Variants in PLEKHG4B observed in about 807,000 individuals in gnomAD.
The protein encoded by PLEKHG4B is pleckstrin homology domain-containing family G member 4B.
In PLEKHG4B, 111 loss-of-function variants were observed where a neutral mutation model predicts 121.3. The observed-to-expected ratio is 0.92, with a 90% confidence interval of 0.78 to 1.07. The LOEUF is 1.07. Ranked by LOEUF, PLEKHG4B falls within the 50% of genes least tolerant of loss-of-function variation. The pLI, the probability that PLEKHG4B is intolerant of heterozygous loss-of-function variation, is 0.00. For synonymous variants in PLEKHG4B, 738 were observed against 725.0 expected (o/e 1.02, Z -0.29); for missense variants, 1,831 against 1,757.8 (o/e 1.04, Z -0.74).
chr5:123,741 A>C (rs888573364), intron 2 of PLEKHG4B, among the ~76,000 whole-genome samples: 2 of 152,106 alleles, frequency 1.3e-5, no homozygotes, highest in African/African-American at 4.8e-5. Flanking sequence ...AGTAACATGA[A>C]TCTTCTTTTT....
At position 163,220 on chromosome 5, in the gene PLEKHG4B, A is replaced by G. The variant is rs923522979; in HGVS notation, c.3148A>G (p.Thr1050Ala). 5 of 1,600,688 alleles carry G rather than the reference A, an allele frequency of 3.1e-6. No individual in the cohort carries two copies. In the Admixed American group the frequency reaches 6.8e-5, roughly 22 times the overall value. ...GGGCCTTCCAGGGGCAGGGGCCACCACGGCCCACCTGGAGGACAGCTCTGC... is the reference window on the plus strand; with the variant it reads ...GGGCCTTCCAGGGGCAGGGGCCACCGCGGCCCACCTGGAGGACAGCTCTGC... ...LRGLPGAGAT[T>A]AHLEDSSACS... The change falls in exon 13 of 20, where the codon ACG (threonine) becomes GCG (alanine). Residue 1050 changes from threonine to alanine, a missense_variant. Transcript: ENST00000637938.
Position 152,217 on chromosome 5 carries a change from T to TTC in PLEKHG4B, c.1992+619_1992+620insCT, listed in dbSNP as rs533190730. On this transcript the variant is annotated intron_variant, in intron 7 of 19. Coordinates refer to ENST00000637938, the MANE Select transcript of PLEKHG4B (RefSeq NM_052909.5). The stretch of plus-strand genomic sequence containing the variant: ...CCATTCTTTCTGTCTTTTTTTTTTT[T>TTC]TTTCCTTTCCTGAGACAGCATCTAG... Among the ~76,000 whole-genome samples, 401 of 151,934 alleles carry TTC rather than the reference T, an allele frequency of 2.6e-3. 4 individuals are homozygous for TTC. Among genetic ancestry groups the TTC allele is most frequent in the African/African-American group, 9.1e-3 (378 of 41,400 alleles).
chr5:166,626 G>T (rs1362751719), intron 13 of PLEKHG4B, among the ~76,000 whole-genome samples: 1 of 152,038 alleles, frequency 6.6e-6, no homozygotes, highest in African/African-American at 2.4e-5. Flanking sequence ...ACACTCCCTC[G>T]CCTGCCACTC....
chr5:162,289 G>A (rs961582604), intron 12 of PLEKHG4B, among the ~76,000 whole-genome samples: 1 of 151,170 alleles, frequency 6.6e-6, no homozygotes, highest in Non-Finnish European at 1.5e-5. Context: ...CAGACCGCAC[G>A]CCTGCGAGCT....
chr5:113,241 T>C lies in PLEKHG4B; in HGVS notation c.46-10T>C, dbSNP rs1560902923. The C allele has an allele frequency of 2.5e-6, 1 of 399,034 alleles. No individual in the cohort carries two copies. Among genetic ancestry groups the C allele is most frequent in the Non-Finnish European group, 4.4e-6 (1 of 226,154 alleles). The allele number at this position is 399,034 out of a possible 1,614,324, so 24.7% of individuals were successfully genotyped here. A position where few individuals can be genotyped will look rare whatever the true frequency, so the allele number is the denominator to read the frequency against. Reference sequence around the variant, plus strand: ...TCCCTAAAGTTTCTGAATTCTCTCTTTCATTTCAGGATCTGGAATCTCTTG... The same window carrying C: ...TCCCTAAAGTTTCTGAATTCTCTCTCTCATTTCAGGATCTGGAATCTCTTG... On this transcript the variant is annotated splice_polypyrimidine_tract_variant and intron_variant, in intron 1 of 19. Transcript: ENST00000637938. This position sits in a 1 kb window ranked among gnomAD's most constrained non-coding sequence, Gnocchi z 5.2.
At chr5:153,567 C>A (rs1283174848) in intron 7 of PLEKHG4B, among the ~76,000 whole-genome samples, 3 of 152,266 alleles carry the variant, frequency 2.0e-5, no homozygotes, top group African/African-American at 7.2e-5. Flanking sequence ...TCTTCCACAG[C>A]TGCCGCCTTC....
intron 1 of PLEKHG4B, among the ~76,000 whole-genome samples, chr5:101,098 G>A (rs200459670): frequency 3.9e-5 from 4 of 102,712 alleles, no homozygotes; most frequent in Admixed American, 1.8e-4. Flanking sequence ...CTGTAGGGGA[G>A]AGACTGTTGT....
chr5:142,890 T>C (rs1183641298), intron 3 of PLEKHG4B, among the ~76,000 whole-genome samples, 157 bp from the exon 4 acceptor site: 2 of 152,250 alleles, frequency 1.3e-5, no homozygotes, highest in African/African-American at 4.8e-5. Context: ...CAGTGGGACA[T>C]GCTTTCACTT....
rs774754608 is a variant in PLEKHG4B, at chr5:172,912, C to G, written c.4066C>G (p.Gln1356Glu). 3 of 1,614,064 alleles carry G rather than the reference C, an allele frequency of 1.9e-6. No individual in the cohort carries two copies. The highest frequency in any genetic ancestry group is 4.5e-5 in the East Asian group (2 of 44,902). ...IRGCDVNLKE[Q>E]GQLRCRDEFI... Reference sequence around the variant, plus strand: ...TCCTCTGCAGGTGAATTTGAAGGAACAGGGGCAGCTGAGATGCCGGGATGA... The same window carrying G: ...TCCTCTGCAGGTGAATTTGAAGGAAGAGGGGCAGCTGAGATGCCGGGATGA... The change falls in exon 17 of 20, where the codon CAG (glutamine) becomes GAG (glutamate). Residue 1356 changes from glutamine (Q) to glutamate (E), a missense_variant. Physicochemically the swap from Gln to Glu is conservative, Grantham distance 29. Coordinates refer to ENST00000637938, the MANE Select transcript of PLEKHG4B (RefSeq NM_052909.5).
chr5:176,001 G>A (rs1370234265), intron 18 of PLEKHG4B, among the ~76,000 whole-genome samples: 1 of 110,072 alleles, frequency 9.1e-6, no homozygotes, highest in Admixed American at 8.9e-5. Flanking sequence ...GCTCCTGCAC[G>A]GCTGCACCCC....
chr5:110,613 C>T lies in PLEKHG4B; in HGVS notation c.46-2638C>T, dbSNP rs533057208. Among the ~76,000 whole-genome samples the T allele has an allele frequency of 7.4e-5, 11 of 148,624 alleles. No individual in the cohort carries two copies. The South Asian group carries it at 2.3e-3, about 32-fold the overall frequency. ...ACACAATCTGCAACACGTGTGCACA[C>T]ACCGGCCACTCTGCAACACACGTGC... On this transcript the variant is annotated intron_variant, in intron 1 of 19. Coordinates refer to ENST00000637938, the MANE Select transcript of PLEKHG4B (RefSeq NM_052909.5).
intron 2 of PLEKHG4B, among the ~76,000 whole-genome samples, chr5:125,040 C>G (rs189187815): frequency 3.3e-5 from 5 of 152,074 alleles, no homozygotes; most frequent in African/African-American, 1.2e-4. Flanking sequence ...GGCTGAGGCA[C>G]GAGAATCCCT....
At chr5:99,168 GTGTATATA>G (rs1733722238) in intron 1 of PLEKHG4B, among the ~76,000 whole-genome samples, 1 of 45,118 alleles carries the variant, frequency 2.2e-5, no homozygotes, top group East Asian at 7.6e-4. Flanking sequence ...AAAAAAAAAA[GTGTATATA>G]TATATATATA....
chr5:134,240 G>T (rs1734877961), intron 2 of PLEKHG4B, among the ~76,000 whole-genome samples: 1 of 151,024 alleles, frequency 6.6e-6, no homozygotes, highest in Admixed American at 6.6e-5. Flanking sequence ...ATCAGACATT[G>T]TATGTTCTCA....
chr5:126,046 A>G (rs1734602918), intron 2 of PLEKHG4B, among the ~76,000 whole-genome samples: 2 of 152,166 alleles, frequency 1.3e-5, no homozygotes, highest in African/African-American at 4.8e-5. Flanking sequence ...TTGTCATTCA[A>G]AAGCTGGATT....
intron 2 of PLEKHG4B, among the ~76,000 whole-genome samples, chr5:129,138 G>A (rs1234550821): frequency 6.6e-6 from 1 of 152,182 alleles, no homozygotes; most frequent in African/African-American, 2.4e-5. Flanking sequence ...GAGGACATTT[G>A]CATTCTGTAG....
intron 1 of PLEKHG4B, among the ~76,000 whole-genome samples, chr5:98,131 T>G (rs1733682289): frequency 6.6e-6 from 1 of 152,140 alleles, no homozygotes; most frequent in Admixed American, 6.5e-5. Flanking sequence ...CATTGCCACA[T>G]GCAAAGGCAT....
Position 182,124 on chromosome 5 carries a change from T to A in PLEKHG4B, c.4685T>A (p.Ile1562Asn), listed in dbSNP as rs1310862458. ...TCTTCTAGCAGCCAGTCCTCCTCCA[T>A]CCTGGGGTCGCTGGGCCTGCTTGTG... The part of the protein sequence containing the change: ...TSSSSSQSSS[I>N]LGSLGLLVSS... The change falls in exon 20 of 20, where the codon ATC (isoleucine) becomes AAC (asparagine). Residue 1562 changes from isoleucine (I) to asparagine (N), a missense_variant. Ile to Asn is a moderately radical substitution (Grantham distance 149). Coordinates refer to ENST00000637938, the MANE Select transcript of PLEKHG4B (RefSeq NM_052909.5). 6.2e-7 allele frequency: 1 copy of A among 1,614,038 alleles called. No individual in the cohort carries two copies. The highest frequency in any genetic ancestry group is 8.5e-7 in the Non-Finnish European group (1 of 1,180,036).
chr5:177,506 G>A (rs1579331658), intron 18 of PLEKHG4B, among the ~76,000 whole-genome samples: 1 of 152,256 alleles, frequency 6.6e-6, no homozygotes, highest in East Asian at 1.9e-4. Context: ...TCTGTGGAAG[G>A]TATCCGAGTG....
Sources: gnomAD v4.1 joint callset for allele counts (sites outside exome capture counted in the v4.1 genomes callset) on GRCh38, gnomAD v4.1.1 for gene constraint, Gnocchi (gnomAD v3.1) non-coding constraint, MANE v1.5 for transcripts, NCBI Gene and HGNC (gene_info 2026-07-23, HGNC 2026-07-21) for gene names.